NAV1: variants seen among roughly 807,000 people sequenced by gnomAD.
NAV1 encodes the protein pore membrane and/or filament interacting like protein 3.
NAV1 carries 18 observed loss-of-function variants against 175.2 expected under a neutral mutation model. The ratio of observed to expected loss-of-function variants is 0.10; its 90% CI spans 0.07 to 0.15. The LOEUF is 0.15. Ranked by LOEUF, NAV1 falls within the 10% of genes least tolerant of loss-of-function variation. NAV1 has a pLI of 1.00. For synonymous variants in NAV1, 897 were observed against 978.7 expected, an observed-to-expected ratio of 0.92 and a Z score of 1.56; for missense variants, 1,731 against 2,436.6, an observed-to-expected ratio of 0.71 and a Z score of 6.10.
exon 30 of NAV1, chr1:201,825,719 T>G (rs1679633199): frequency 6.6e-6 from 1 of 152,668 alleles, no homozygotes; most frequent in South Asian, 2.1e-4. Flanking sequence ...TGGTGTGCAG[T>G]GGCACGATCT....
intron 3 of NAV1, among the ~76,000 whole-genome samples, chr1:201,733,837 G>A (rs1672970647): frequency 6.6e-6 from 1 of 152,204 alleles, no homozygotes; most frequent in South Asian, 2.1e-4. Context: ...CCAGAAATGA[G>A]GTCACAGGTA....
Position 201,807,406 on chromosome 1 carries a change from C to G in NAV1, c.3649-547C>G, listed in dbSNP as rs932214590. On this transcript the variant is annotated intron_variant, in intron 17 of 29. Transcript: ENST00000367296. This position sits in a 1 kb window ranked among gnomAD's most constrained non-coding sequence, Gnocchi z 5.4. ...TGACAGATGACTAGATGAACAGATT[C>G]TGGGCTGATGAGCCCTAGTCAGAGG... Among the ~76,000 whole-genome samples, 2 of 152,184 alleles carry G rather than the reference C, an allele frequency of 1.3e-5. No individual in the cohort carries two copies. The highest frequency in any genetic ancestry group is 2.9e-5 in the Non-Finnish European group (2 of 68,042).
chr1:201,656,025 C>T (rs1319994061), intron 1 of NAV1, among the ~76,000 whole-genome samples: 1 of 152,140 alleles, frequency 6.6e-6, no homozygotes, highest in South Asian at 2.1e-4. Flanking sequence ...AGGTTCACCC[C>T]CTAAGAGCTT....
At chr1:201,550,429 C>A (rs1346457114) in intron 1 of NAV1, among the ~76,000 whole-genome samples, 1 of 152,170 alleles carries the variant, frequency 6.6e-6, no homozygotes, top group Admixed American at 6.5e-5. Flanking sequence ...ACCTTGGCCT[C>A]CCAAAGCATT....
At chr1:201,619,132 G>C (rs1668083285), upstream of NAV1, among the ~76,000 whole-genome samples, 2 of 152,192 alleles carry the variant, frequency 1.3e-5, no homozygotes, top group South Asian at 4.1e-4. Context: ...ACCTACCATG[G>C]GAATGTTTTA....
At chr1:201,591,858 C>T (rs1180155838) in intron 2 of NAV1, among the ~76,000 whole-genome samples, 3 of 152,092 alleles carry the variant, frequency 2.0e-5, no homozygotes, top group Non-Finnish European at 2.9e-5. Context: ...GGACAGCACC[C>T]GAAATGACAG....
chr1:201,780,922 G>A lies in NAV1; in HGVS notation c.1366-90G>A, dbSNP rs886797906. 67 of 1,396,654 alleles carry A rather than the reference G, an allele frequency of 4.8e-5. No individual in the cohort carries two copies. In the East Asian group the frequency reaches 8.8e-4, roughly 18 times the overall value. 86.5% of individuals were successfully genotyped at this position (1,396,654 alleles called of 1,614,324 possible). Reference sequence around the variant, plus strand: ...GACTTAATACTCTGAGATGAGCAGCGCCAGGTACTAACTAAAATCAATCCT... The same window carrying A: ...GACTTAATACTCTGAGATGAGCAGCACCAGGTACTAACTAAAATCAATCCT... On this transcript the variant is annotated intron_variant, in intron 4 of 29. Transcript: ENST00000367296.
At chr1:201,685,101 A>G (rs905845731) in intron 1 of NAV1, among the ~76,000 whole-genome samples, 2 of 151,710 alleles carry the variant, frequency 1.3e-5, no homozygotes, top group Non-Finnish European at 2.9e-5. Flanking sequence ...GTGAAACTCC[A>G]TATCTACTAA....
chr1:201,629,893 A>G (rs144364474), intron 2 of NAV1, among the ~76,000 whole-genome samples: 107 of 152,304 alleles, frequency 7.0e-4, no homozygotes, highest in Non-Finnish European at 1.4e-3. Flanking sequence ...TTGCTGCCTG[A>G]CAACACTTCC....
intron 17 of NAV1, 92 bp downstream of exon 21, chr1:201,804,589 AAAAAAAAAAAAAAT>A (rs1678160733): frequency 8.7e-7 from 1 of 1,146,856 alleles, no homozygotes; most frequent in Non-Finnish European, 1.2e-6. Context: ...TAAAAAAAAA[AAAAAAAAAAAAAAT>A]GAATGACCAC....
chr1:201,660,435 C>T (rs1445524892), intron 1 of NAV1, among the ~76,000 whole-genome samples: 1 of 152,196 alleles, frequency 6.6e-6, no homozygotes, highest in Non-Finnish European at 1.5e-5. Context: ...AGCGTCAGGC[C>T]TCCCTACTTG....
intron 1 of NAV1, among the ~76,000 whole-genome samples, chr1:201,576,957 A>G (rs1438055352): frequency 6.6e-6 from 1 of 151,948 alleles, no homozygotes; most frequent in Non-Finnish European, 1.5e-5. Context: ...TCTTTTGCCT[A>G]TTTCCTAATT....
chr1:201,648,167 C>T (rs1669039674), upstream of NAV1: 1 of 885,730 alleles, frequency 1.1e-6, no homozygotes, highest in African/African-American at 1.8e-5. Context: ...CCTTCCTCTG[C>T]TCGGAGCTGC....
At chr1:201,590,134 C>A (rs1667144963) in intron 2 of NAV1, among the ~76,000 whole-genome samples, 1 of 152,166 alleles carries the variant, frequency 6.6e-6, no homozygotes, top group Admixed American at 6.5e-5. Flanking sequence ...CTCAAGTGGT[C>A]CATCTGCCTC....
At chr1:201,622,779 C>T (rs1668213133), upstream of NAV1, 1 of 975,188 alleles carries the variant, frequency 1.0e-6, no homozygotes, top group Non-Finnish European at 1.2e-6. Context: ...ACCCCAACAT[C>T]CTCTTTCTAC....
At position 201,812,338 on chromosome 1, in the gene NAV1, T is replaced by C; in HGVS notation, c.5025-127T>C. ...CTCTGAGTTCCGATGTCCCCACTAT[T>C]ACTTGAAAAGAAACCAAGTAGGCAT... On this transcript the variant is annotated intron_variant, in intron 26 of 29. Transcript: ENST00000367296. The surrounding 1 kb of genome is among the most constrained non-coding windows in gnomAD (Gnocchi z 4.6). The C allele has an allele frequency of 1.1e-6, 1 of 918,652 alleles. No homozygotes were observed. Among genetic ancestry groups the C allele is most frequent in the Non-Finnish European group, 1.7e-6 (1 of 601,842 alleles). 56.9% of individuals were successfully genotyped at this position (918,652 alleles called of 1,614,324 possible). A position where few individuals can be genotyped will look rare whatever the true frequency, so the allele number is the denominator to read the frequency against.
intron 1 of NAV1, among the ~76,000 whole-genome samples, chr1:201,550,274 T>C (rs574660865): frequency 6.6e-6 from 1 of 152,138 alleles, no homozygotes; most frequent in Non-Finnish European, 1.5e-5. Flanking sequence ...AGGGCTCAAG[T>C]GATCCTCCTG....
At chr1:201,644,737 T>C (rs1437577279), upstream of NAV1, among the ~76,000 whole-genome samples, 1 of 152,176 alleles carries the variant, frequency 6.6e-6, no homozygotes, top group Non-Finnish European at 1.5e-5. Context: ...TTGACAACAC[T>C]TTTTTCTCTT....
chr1:201,610,983 C>T (rs1667827115), intron 2 of NAV1, among the ~76,000 whole-genome samples: 1 of 152,042 alleles, frequency 6.6e-6, no homozygotes, highest in Admixed American at 6.6e-5. Context: ...AATGATGAGT[C>T]CCACAGCTTG....
Sources: allele counts gnomAD v4.1 joint callset (sites outside exome capture counted in the v4.1 genomes callset), GRCh38; gene constraint gnomAD v4.1.1; non-coding constraint Gnocchi (gnomAD v3.1); transcripts MANE v1.5; gene names NCBI Gene and HGNC (gene_info 2026-07-23, HGNC 2026-07-21).